Variants in MTHFD2L observed in about 807,000 individuals in gnomAD.
The protein encoded by MTHFD2L is methylenetetrahydrofolate dehydrogenase (NADP+ dependent) 2 like, also known as bifunctional methylenetetrahydrofolate dehydrogenase/cyclohydrolase 2, mitochondrial.
Under a neutral mutation model 34.9 loss-of-function variants are expected in MTHFD2L, and 29 were observed. The ratio of observed to expected loss-of-function variants is 0.83; its 90% CI spans 0.62 to 1.13. The LOEUF (loss-of-function observed/expected upper bound fraction) is 1.13. MTHFD2L is among the 50% of genes most tolerant of loss of function. The pLI, the probability that MTHFD2L is intolerant of heterozygous loss-of-function variation, is 0.00. For synonymous variants in MTHFD2L, 167 were observed against 155.7 expected (o/e 1.07, Z -0.54); for missense variants, 481 against 446.5 (o/e 1.08, Z -0.70).
chr4:74,134,369 GTCC>G (rs1386073388), intron 1 of MTHFD2L, among the ~76,000 whole-genome samples: 14 of 152,108 alleles, frequency 9.2e-5, no homozygotes, highest in East Asian at 3.9e-4. Flanking sequence ...AATCCCTTTG[GTCC>G]TCCTCCTTAT....
chr4:74,175,407 C>A lies in MTHFD2L; in HGVS notation c.451+4C>A. On this transcript the variant is annotated splice_donor_region_variant and intron_variant, in intron 3 of 7. Transcript: ENST00000325278. ...TTAGTTCAGTTACCACTACCAGGTA[C>A]ATAATGCTCCTCTTATTTATCTGAT... is the stretch of plus-strand genomic sequence containing the variant. 6.2e-7 allele frequency: 1 copy of A among 1,603,148 alleles called. No individual in the cohort carries two copies. The highest frequency in any genetic ancestry group is 8.5e-7 in the Non-Finnish European group (1 of 1,176,138).
At chr4:74,199,645 G>T in intron 3 of MTHFD2L, 149 bp from the exon 4 acceptor site, 1 of 664,620 alleles carries the variant, frequency 1.5e-6, no homozygotes. Flanking sequence ...TATTTTGGTG[G>T]CAAATAATAA....
chr4:74,229,224 A>T (rs557391690), intron 6 of MTHFD2L, among the ~76,000 whole-genome samples: 1 of 152,326 alleles, frequency 6.6e-6, no homozygotes, highest in African/African-American at 2.4e-5. Context: ...GGGATAAAAC[A>T]TGTAGGCATT....
chr4:74,159,475 G>C (rs1330280835), intron 1 of MTHFD2L, among the ~76,000 whole-genome samples: 3 of 152,190 alleles, frequency 2.0e-5, no homozygotes, highest in South Asian at 2.1e-4. Context: ...TTGAATTTCA[G>C]TTGTTTTAGG....
upstream of MTHFD2L, among the ~76,000 whole-genome samples, chr4:74,122,092 T>A (rs1721793937): frequency 6.6e-6 from 1 of 152,206 alleles, no homozygotes; most frequent in African/African-American, 2.4e-5. Flanking sequence ...CTTTTTTTTT[T>A]CTAGGACATA....
At chr4:74,183,087 T>G (rs556576057) in intron 3 of MTHFD2L, 1 of 151,658 alleles carries the variant, frequency 6.6e-6, no homozygotes, top group Non-Finnish European at 1.5e-5. Context: ...AAACCACTGA[T>G]AGAAAAAAAT....
chr4:74,184,462 A>G (rs564407363), intron 3 of MTHFD2L, among the ~76,000 whole-genome samples: 16 of 152,342 alleles, frequency 1.1e-4, no homozygotes, highest in Admixed American at 5.9e-4. Context: ...TTGGTTTATC[A>G]AAAGTAAATA....
chr4:74,165,972 G>A (rs1726607466), intron 1 of MTHFD2L, among the ~76,000 whole-genome samples: 1 of 152,122 alleles, frequency 6.6e-6, no homozygotes, highest in Non-Finnish European at 1.5e-5. Context: ...TATTTAGATA[G>A]GGGAAAATTA....
intron 6 of MTHFD2L, among the ~76,000 whole-genome samples, chr4:74,278,915 C>T (rs779880842): frequency 3.9e-5 from 6 of 152,000 alleles, no homozygotes; most frequent in African/African-American, 7.2e-5. Flanking sequence ...CACAGAAGAC[C>T]TCAATAGACC....
upstream of MTHFD2L, among the ~76,000 whole-genome samples, chr4:74,156,284 ACT>A (rs1334594670): frequency 6.6e-6 from 1 of 152,058 alleles, no homozygotes; most frequent in Non-Finnish European, 1.5e-5. Context: ...CTTTTAACTG[ACT>A]CTATAATTTT....
chr4:74,179,495 T>C (rs984310621), intron 3 of MTHFD2L, among the ~76,000 whole-genome samples: 6 of 152,104 alleles, frequency 3.9e-5, no homozygotes, highest in African/African-American at 1.4e-4. Flanking sequence ...ATTTTAGTAA[T>C]TGCACTTTGG....
intron 1 of MTHFD2L, among the ~76,000 whole-genome samples, chr4:74,147,513 T>C (rs924856030): frequency 1.1e-4 from 16 of 152,184 alleles, no homozygotes; most frequent in Non-Finnish European, 1.9e-4. Flanking sequence ...TTCTCCCCTT[T>C]TGTCTTTGGC....
chr4:74,198,314 T>C (rs1020495274), intron 3 of MTHFD2L, among the ~76,000 whole-genome samples: 9 of 152,168 alleles, frequency 5.9e-5, no homozygotes, highest in Non-Finnish European at 5.9e-5. Context: ...GATGGCAACA[T>C]ACAGTGTAAT....
chr4:74,209,719 A>G (rs1735977952), intron 5 of MTHFD2L, among the ~76,000 whole-genome samples: 1 of 152,196 alleles, frequency 6.6e-6, no homozygotes, highest in African/African-American at 2.4e-5. Flanking sequence ...CAGTAATGGG[A>G]TTGCTGGGTC....
intron 5 of MTHFD2L, among the ~76,000 whole-genome samples, chr4:74,217,871 C>T (rs148856203): frequency 4.8e-4 from 73 of 152,210 alleles, no homozygotes; most frequent in African/African-American, 1.5e-3. Flanking sequence ...ATACAAAAAG[C>T]ATATTTAAAG....
intron 6 of MTHFD2L, among the ~76,000 whole-genome samples, chr4:74,254,413 A>G (rs191457876): frequency 6.6e-6 from 1 of 152,316 alleles, no homozygotes; most frequent in Non-Finnish European, 1.5e-5. Flanking sequence ...AAACAAGAGA[A>G]CCCGCATAAG....
chr4:74,248,708 A>T (rs1254157775), intron 6 of MTHFD2L, among the ~76,000 whole-genome samples: 3 of 150,302 alleles, frequency 2.0e-5, no homozygotes, highest in Non-Finnish European at 3.0e-5. Flanking sequence ...TTCAAAGAAC[A>T]TCTTTATTTC....
chr4:74,243,724 T>A (rs923649687), intron 6 of MTHFD2L, among the ~76,000 whole-genome samples: 45 of 152,210 alleles, frequency 3.0e-4, no homozygotes, highest in African/African-American at 1.0e-3. Flanking sequence ...CATAAGCACC[T>A]ATAAATTCTC....
At chr4:74,257,332 A>C (rs1170993664) in intron 6 of MTHFD2L, among the ~76,000 whole-genome samples, 2 of 152,188 alleles carry the variant, frequency 1.3e-5, no homozygotes, top group South Asian at 2.1e-4. Flanking sequence ...AAAAGACATA[A>C]GGCGGATGAA....
Sources: gnomAD v4.1 joint callset for allele counts (sites outside exome capture counted in the v4.1 genomes callset) on GRCh38, gnomAD v4.1.1 for gene constraint, MANE v1.5 for transcripts, NCBI Gene and HGNC (gene_info 2026-07-23, HGNC 2026-07-21) for gene names.